The following ADAMTS7 variants were observed in gnomAD, a reference collection of about 807,000 sequenced individuals.
ADAMTS7 encodes the protein A disintegrin and metalloproteinase with thrombospondin motifs 7.
In ADAMTS7, 89 loss-of-function variants were observed where a neutral mutation model predicts 172.6. The ratio of observed to expected loss-of-function variants is 0.52; its 90% confidence interval spans 0.43 to 0.61. The LOEUF is 0.61. Ranked by LOEUF, ADAMTS7 falls within the 20% of genes least tolerant of loss-of-function variation. The pLI, the probability that ADAMTS7 is intolerant of heterozygous loss-of-function variation, is 0.00. For synonymous variants in ADAMTS7, 885 were observed against 978.4 expected, an observed-to-expected ratio of 0.90 and a Z score of 1.78; for missense variants, 1,973 against 2,355.6, an observed-to-expected ratio of 0.84 and a Z score of 3.36.
At chr15:78,806,131 A>C (rs866271519) in intron 1 of ADAMTS7, among the ~76,000 whole-genome samples, 677 of 30,072 alleles carry the variant, frequency 0.023, 1 homozygote, top group Non-Finnish European at 0.026. Flanking sequence ...CACACACAAA[A>C]AAAAAAAAAA....
At chr15:78,789,342 G>A (rs1229612957) in intron 7 of ADAMTS7, among the ~76,000 whole-genome samples, 1 of 152,238 alleles carries the variant, frequency 6.6e-6, no homozygotes, top group Non-Finnish European at 1.5e-5. Context: ...AGAGCAAACA[G>A]GAACAGGGAC....
chr15:78,784,571 A>G (rs1242873739), intron 8 of ADAMTS7, among the ~76,000 whole-genome samples: 1 of 152,264 alleles, frequency 6.6e-6, no homozygotes, highest in East Asian at 1.9e-4. Context: ...ATACAACAAC[A>G]GTTCAAGAAC....
At position 78,759,525 on chromosome 15, in the gene ADAMTS7, C is replaced by A; in HGVS notation, c.4957G>T (p.Gly1653Cys). 1 of 1,596,762 alleles carries A rather than the reference C, an allele frequency of 6.3e-7. No homozygotes were observed. Among genetic ancestry groups the A allele is most frequent in the South Asian group, 1.1e-5 (1 of 89,972 alleles). ...CGGATGGTGGGCAGCTGGCAGCGGC[C>A]CAGTAGGCGCAGCGTCTCGCAGAAC... Reference protein sequence around the residue: ...FGFCETLRLLGRCQLPTIRTQ... With the variant: ...FGFCETLRLLCRCQLPTIRTQ... The change falls in exon 24 of 24, where the codon GGC (glycine) becomes TGC (cysteine). Residue 1653 changes from glycine (G) to cysteine (C), a missense_variant. Gly to Cys is a radical substitution (Grantham distance 159). Around this residue, in one of 8 missense-constraint regions of ADAMTS7, gnomAD observed 94 missense variants for 95.4 expected, o/e 0.99. Transcript: ENST00000388820.
Position 78,777,601 on chromosome 15 carries a change from CGGGAGGATGGAG to C in ADAMTS7, c.1323-25_1323-14del. ...GCCCCACCCACGGCTAAAGATGGGA[CGGGAGGATGGAG>C]GGGGGCGCAGCCTGTGAGACCCATC... On this transcript the variant is annotated splice_polypyrimidine_tract_variant and intron_variant, in intron 8 of 23. Transcript: ENST00000388820. 1 of 1,598,610 alleles carries C rather than the reference CGGGAGGATGGAG, an allele frequency of 6.3e-7. No individual in the cohort carries two copies. Among genetic ancestry groups the C allele is most frequent in the Non-Finnish European group, 8.5e-7 (1 of 1,172,972 alleles).
At chr15:78,768,859 C>CA (rs563872582) in intron 16 of ADAMTS7, among the ~76,000 whole-genome samples, 4 of 151,984 alleles carry the variant, frequency 2.6e-5, no homozygotes, top group South Asian at 2.1e-4. Context: ...GAGGGGTGAC[C>CA]GGGGCTGGGG....
intron 8 of ADAMTS7, among the ~76,000 whole-genome samples, chr15:78,778,907 C>A (rs1484653412): frequency 1.3e-5 from 2 of 151,944 alleles, no homozygotes; most frequent in African/African-American, 4.8e-5. Context: ...ACGAAAGGGT[C>A]AGGAAACAGG....
Position 78,791,193 on chromosome 15 carries a change from C to T in ADAMTS7, c.850G>A (p.Gly284Arg), listed in dbSNP as rs769510684. The change falls in exon 5 of 24, where the codon GGG becomes AGG. Residue 284 changes from glycine (G) to arginine (R), a missense_variant. Around this residue, in one of 8 missense-constraint regions of ADAMTS7, gnomAD observed 526 missense variants for 662.9 expected, o/e 0.79. Coordinates refer to ENST00000388820, the MANE Select transcript of ADAMTS7 (RefSeq NM_014272.5). ...VAGLFHDPSIGNPIHITIVRL... is the reference protein window; with the variant it reads ...VAGLFHDPSIRNPIHITIVRL... ...ACAATGGTGATGTGGATGGGGTTCC[C>T]AATGCTGGGGTCATGAAACAGGCCA... The T allele has an allele frequency of 6.2e-6, 10 of 1,613,414 alleles. No homozygotes were observed. The highest frequency in any genetic ancestry group is 1.7e-4 in the Middle Eastern group (1 of 5,986).
intron 8 of ADAMTS7, among the ~76,000 whole-genome samples, chr15:78,787,868 C>G (rs1032214867): frequency 4.6e-5 from 7 of 152,170 alleles, no homozygotes; most frequent in African/African-American, 1.7e-4. Flanking sequence ...CCGCCGTTCC[C>G]TGAAAGCTCT....
At chr15:78,795,938 G>A (rs527304986) in intron 4 of ADAMTS7, among the ~76,000 whole-genome samples, 1 of 152,164 alleles carries the variant, frequency 6.6e-6, no homozygotes, top group Non-Finnish European at 1.5e-5. Context: ...TGCCCTGCCT[G>A]GTTGTGTGAC....
chr15:78,765,619 C>T, intron 19 of ADAMTS7, 26 bp downstream of exon 19: 1 of 1,600,074 alleles, frequency 6.2e-7, no homozygotes, highest in East Asian at 2.3e-5. Context: ...CGCAAACTCC[C>T]TGCCCGCCCA....
intron 8 of ADAMTS7, among the ~76,000 whole-genome samples, chr15:78,779,462 C>T (rs1196709754): frequency 6.6e-6 from 1 of 152,190 alleles, no homozygotes; most frequent in Non-Finnish European, 1.5e-5. Flanking sequence ...GGGCTACCCC[C>T]AGTGCAGGGC....
intron 1 of ADAMTS7, 114 bp downstream of exon 1, chr15:78,811,007 C>G: frequency 1.8e-6 from 2 of 1,122,880 alleles, no homozygotes; most frequent in Non-Finnish European, 2.2e-6. Flanking sequence ...GCGACCAACT[C>G]CAGGCACAGC....
In ADAMTS7 at chr15:78,796,577, C is replaced by A; in HGVS notation, c.819+13G>T. On this transcript the variant is annotated intron_variant, in intron 4 of 23. Coordinates refer to ENST00000388820, the MANE Select transcript of ADAMTS7 (RefSeq NM_014272.5). Reference sequence around the variant, plus strand: ...CCATCCCCGCCACCCGCTCCTGGCCCACACAGACTCACCATGTTCATGATG... The same window carrying A: ...CCATCCCCGCCACCCGCTCCTGGCCAACACAGACTCACCATGTTCATGATG... 1 of 1,606,464 alleles carries A rather than the reference C, an allele frequency of 6.2e-7. No homozygotes were observed. The highest frequency in any genetic ancestry group is 8.5e-7 in the Non-Finnish European group (1 of 1,174,730).
chr15:78,796,329 C>A (rs1393865384), intron 4 of ADAMTS7, among the ~76,000 whole-genome samples: 2 of 152,160 alleles, frequency 1.3e-5, no homozygotes, highest in African/African-American at 4.8e-5. Flanking sequence ...GCCTCAGTCT[C>A]CCACTCCTGC....
chr15:78,786,841 C>T (rs1385636987), intron 8 of ADAMTS7, among the ~76,000 whole-genome samples: 2 of 152,144 alleles, frequency 1.3e-5, no homozygotes, highest in Non-Finnish European at 2.9e-5. Flanking sequence ...TTGAACTGCA[C>T]AGGTCCACTT....
chr15:78,792,094 G>A (rs1181310343), intron 4 of ADAMTS7, among the ~76,000 whole-genome samples: 9 of 152,148 alleles, frequency 5.9e-5, no homozygotes, highest in Non-Finnish European at 5.9e-5. Context: ...AAATAGCAAG[G>A]AACCAAACAA....
rs746798651 is a variant in ADAMTS7 at position 78,774,162 on chromosome 15, C to T, written c.2010+5G>A. The T allele has an allele frequency of 3.1e-6, 5 of 1,591,410 alleles. No individual in the cohort carries two copies. In the African/African-American group the frequency reaches 4.0e-5, roughly 13 times the overall value. On this transcript the variant is annotated splice_donor_5th_base_variant and intron_variant, in intron 13 of 23. Transcript: ENST00000388820. ...CTGGGAGAGCCTCTTCCTAACCAGG[C>T]ACACCTTACAGATGCCGTTGATGCA...
At chr15:78,791,285 C>T in intron 4 of ADAMTS7, 62 bp from the exon 5 acceptor site, 1 of 1,370,866 alleles carries the variant, frequency 7.3e-7, no homozygotes, top group Non-Finnish European at 1.0e-6. Flanking sequence ...AGCCAATGCC[C>T]ACCCCAACCC....
intron 13 of ADAMTS7, among the ~76,000 whole-genome samples, chr15:78,773,622 G>A (rs1056761462): frequency 6.6e-6 from 1 of 152,110 alleles, no homozygotes; most frequent in Non-Finnish European, 1.5e-5. Context: ...CAGAGGCTTA[G>A]AGGGCAAGAA....
Sources: allele counts gnomAD v4.1 joint callset (sites outside exome capture counted in the v4.1 genomes callset), GRCh38; gene constraint gnomAD v4.1.1; regional missense constraint gnomAD v4.1.1; transcripts MANE v1.5; gene names NCBI Gene and HGNC (gene_info 2026-07-23, HGNC 2026-07-21).